BSCL2: variants seen among roughly 807,000 people sequenced by gnomAD.
BSCL2 encodes seipin.
A neutral mutation model predicts 57.4 loss-of-function variants in BSCL2; 41 were observed. The observed-to-expected ratio is 0.71, with a 90% CI of 0.56 to 0.93. The LOEUF is 0.93. BSCL2 is among the 40% of genes least tolerant of loss of function. The pLI is 0.00. For synonymous variants in BSCL2, 237 were observed against 227.3 expected (o/e 1.04, Z -0.38); for missense variants, 539 against 586.7 (o/e 0.92, Z 0.84).
At chr11:62,704,351 G>A (rs1357080449) in intron 2 of BSCL2, among the ~76,000 whole-genome samples, 1 of 122,826 alleles carries the variant, frequency 8.1e-6, no homozygotes, top group Non-Finnish European at 1.6e-5. Context: ...GGCTAACAAG[G>A]TGAAACCCCA....
At chr11:62,706,845 A>G (rs1245119266) in intron 1 of BSCL2, 1 of 597,278 alleles carries the variant, frequency 1.7e-6, no homozygotes. Context: ...CTAACTGGAT[A>G]CACTCTCCCT....
intron 6 of BSCL2, among the ~76,000 whole-genome samples, chr11:62,691,833 A>G (rs1189673272): frequency 2.6e-5 from 4 of 152,158 alleles, no homozygotes; most frequent in East Asian, 1.9e-4. Context: ...GACGGATCAC[A>G]AGGTCAGGAG....
chr11:62,695,778 A>C (rs1426590516), intron 3 of BSCL2, among the ~76,000 whole-genome samples: 1 of 152,118 alleles, frequency 6.6e-6, no homozygotes, highest in Non-Finnish European at 1.5e-5. Flanking sequence ...ACTACCTCCA[A>C]AACATGGGTT....
At chr11:62,691,924 C>T (rs543289586) in intron 6 of BSCL2, among the ~76,000 whole-genome samples, 3 of 152,010 alleles carry the variant, frequency 2.0e-5, no homozygotes, top group Admixed American at 6.6e-5. Flanking sequence ...TGGTCGCAGG[C>T]GCCTGTAGTC....
chr11:62,707,787 T>G, upstream of BSCL2: 1 of 262,232 alleles, frequency 3.8e-6, no homozygotes, highest in Non-Finnish European at 7.5e-6. Flanking sequence ...TTTCGTATAG[T>G]CACTGCTTCT....
intron 3 of BSCL2, among the ~76,000 whole-genome samples, chr11:62,695,859 G>T (rs1229098215): frequency 1.3e-5 from 2 of 150,760 alleles, no homozygotes; most frequent in Admixed American, 1.3e-4. Flanking sequence ...GCCTTTTTTT[G>T]TACCTTCTTA....
chr11:62,709,179 G>A (rs2083591939), upstream of BSCL2: 1 of 461,122 alleles, frequency 2.2e-6, no homozygotes, highest in South Asian at 1.5e-5. Flanking sequence ...GCCATTTGAA[G>A]AATAAAGTCA....
At chr11:62,704,324 G>A (rs1945747385) in intron 2 of BSCL2, among the ~76,000 whole-genome samples, 1 of 139,614 alleles carries the variant, frequency 7.2e-6, no homozygotes, top group Admixed American at 7.8e-5. Flanking sequence ...ACAAGGTCAG[G>A]AGATTGAGAC....
intron 4 of BSCL2, 85 bp downstream of exon 4, chr11:62,694,483 G>A (rs147314953): frequency 0.011 from 16,946 of 1,598,166 alleles, 110 homozygotes; most frequent in Non-Finnish European, 0.012. Context: ...GGGATTATAG[G>A]CCTGAGCCAC....
intron 4 of BSCL2, 140 bp from the exon 5 acceptor site, chr11:62,692,937 C>G: frequency 1.9e-6 from 2 of 1,041,832 alleles, no homozygotes; most frequent in Non-Finnish European, 2.8e-6. Flanking sequence ...TCACTTCCTA[C>G]CCCTCAGTCT....
upstream of BSCL2, chr11:62,708,466 A>G: frequency 2.3e-6 from 3 of 1,279,510 alleles, no homozygotes; most frequent in East Asian, 2.3e-5. Flanking sequence ...AAAGCTCAAG[A>G]TAAGAGATGC....
In BSCL2 at chr11:62,690,277, A is replaced by C; in HGVS notation, c.*90T>G. On this transcript the variant is annotated 3_prime_UTR_variant, in exon 11 of 11. Transcript: ENST00000360796. ...GAACCCATTTCAGAGTCAAGGAAGA[A>C]GCTGACACAAAATAGTTTATTGAAG... 2 of 1,577,906 alleles carry C rather than the reference A, an allele frequency of 1.3e-6. No homozygotes were observed. The highest frequency in any genetic ancestry group is 1.7e-6 in the Non-Finnish European group (2 of 1,150,686).
chr11:62,696,031 G>T (rs1461156528), intron 3 of BSCL2, among the ~76,000 whole-genome samples: 2 of 152,082 alleles, frequency 1.3e-5, no homozygotes, highest in Admixed American at 1.3e-4. Flanking sequence ...AAATTAGCCG[G>T]GCGTGGTAGC....
At chr11:62,691,186 C>CT in intron 7 of BSCL2, 45 bp from the exon 8 acceptor site, 1 of 1,613,942 alleles carries the variant, frequency 6.2e-7, no homozygotes, top group Non-Finnish European at 8.5e-7. Context: ...ACTTCCCTCA[C>CT]TAACAATCAG....
At chr11:62,702,024 C>A (rs1170762290) in intron 3 of BSCL2, among the ~76,000 whole-genome samples, 1 of 151,772 alleles carries the variant, frequency 6.6e-6, no homozygotes. Context: ...CATCAATACA[C>A]ACAATTAATT....
upstream of BSCL2, chr11:62,708,908 C>T (rs144431016): frequency 4.4e-4 from 383 of 873,636 alleles, no homozygotes; most frequent in African/African-American, 5.6e-3. Context: ...CATCCCATCC[C>T]TAACCCTTGC....
intron 3 of BSCL2, among the ~76,000 whole-genome samples, chr11:62,699,675 GTT>G (rs71056548): frequency 1.1e-3 from 92 of 87,184 alleles, no homozygotes; most frequent in South Asian, 6.5e-3. Flanking sequence ...ATCCTATCTG[GTT>G]TTTTTTTTTT....
chr11:62,691,340 G>C lies in BSCL2; in HGVS notation c.945C>G (p.Leu315=). The change falls in exon 7 of 11, where the codon CTC becomes CTG. Residue 315 remains leucine, a synonymous_variant. Transcript: ENST00000360796. ...SNFTFLSVIV[L]FSYMQWVWGG... ...CCCACACCCACTGCATGTAGCTGAAGAGCACGATGACGCTGAGGAAGGTGA... is the reference window on the plus strand; with the variant it reads ...CCCACACCCACTGCATGTAGCTGAACAGCACGATGACGCTGAGGAAGGTGA... 1 of 1,614,192 alleles carries C rather than the reference G, an allele frequency of 6.2e-7. No individual in the cohort carries two copies. Among genetic ancestry groups the C allele is most frequent in the South Asian group, 1.1e-5 (1 of 91,086 alleles).
rs1344178740 is a variant in BSCL2, at chr11:62,690,873, C to T, written c.1073-6G>A. 1 of 1,613,376 alleles carries T rather than the reference C, an allele frequency of 6.2e-7. No homozygotes were observed. The highest frequency in any genetic ancestry group is 1.1e-5 in the South Asian group (1 of 90,992). On this transcript the variant is annotated splice_region_variant and splice_polypyrimidine_tract_variant and intron_variant, in intron 8 of 10. Coordinates refer to ENST00000360796, the MANE Select transcript of BSCL2 (RefSeq NM_001122955.4). ...CTCCTCCTGGCCTTCAGGCCCTGCACCTCCAAAGAGGGAGAGGACAGGTTA... is the reference window on the plus strand; with the variant it reads ...CTCCTCCTGGCCTTCAGGCCCTGCATCTCCAAAGAGGGAGAGGACAGGTTA...
Sources: allele counts gnomAD v4.1 joint callset (sites outside exome capture counted in the v4.1 genomes callset), GRCh38; gene constraint gnomAD v4.1.1; transcripts MANE v1.5; gene names NCBI Gene and HGNC (gene_info 2026-07-23, HGNC 2026-07-21).